The following SGSM2 variants were observed in gnomAD, a reference collection of about 807,000 sequenced individuals.
The protein encoded by SGSM2 is RUN and TBC1 domain containing 1.
SGSM2 carries 89 observed loss-of-function variants against 126.6 expected under a neutral mutation model. That is an observed-to-expected ratio of 0.70 (90% confidence interval 0.59 to 0.84). SGSM2 has a LOEUF of 0.84. Ranked by LOEUF, SGSM2 falls within the 40% of genes least tolerant of loss-of-function variation. The probability of loss-of-function intolerance (pLI) is 0.00; values close to 1 mark genes in which losing one functional copy is unlikely to be tolerated. For missense variants in SGSM2, 1,404 were observed against 1,416.6 expected (o/e 0.99, Z 0.14); for synonymous variants, 614 against 574.3 (o/e 1.07, Z -0.99).
At chr17:2,360,791 C>T (rs1034286113) in intron 2 of SGSM2, among the ~76,000 whole-genome samples, 3 of 152,256 alleles carry the variant, frequency 2.0e-5, no homozygotes, top group East Asian at 1.9e-4. Flanking sequence ...CACACCTGGA[C>T]GTGGCAAAAG....
At chr17:2,339,369 T>C (rs1275404394) in intron 1 of SGSM2, among the ~76,000 whole-genome samples, 1 of 151,430 alleles carries the variant, frequency 6.6e-6, no homozygotes, top group Non-Finnish European at 1.5e-5. Flanking sequence ...CCAGGAGGTG[T>C]GGTTGCAGTG....
Position 2,379,561 on chromosome 17 carries a change from C to G in SGSM2, c.*41C>G. On this transcript the variant is annotated 3_prime_UTR_variant, in exon 24 of 24. Coordinates refer to ENST00000268989, the MANE Select transcript of SGSM2 (RefSeq NM_014853.3). ...CAGCAGCCGTGCAGAGCCTGGGCTC[C>G]GGCAGGGAGAGGTGCAGGGGAGTCA... 1 of 1,593,550 alleles carries G rather than the reference C, an allele frequency of 6.3e-7. No individual in the cohort carries two copies. The highest frequency in any genetic ancestry group is 8.6e-7 in the Non-Finnish European group (1 of 1,166,278).
At chr17:2,348,940 T>G (rs1225736341) in intron 2 of SGSM2, among the ~76,000 whole-genome samples, 1 of 152,026 alleles carries the variant, frequency 6.6e-6, no homozygotes, top group Non-Finnish European at 1.5e-5. Flanking sequence ...CTTTTTTGTA[T>G]TTTTGTAGAG....
chr17:2,364,039 T>TC lies in SGSM2; in HGVS notation c.808-18dup. Reference sequence around the variant, plus strand: ...CCTCTCAGCCCTTCATCGTCGGTCTTCCGGTGTCTCCCGCTGTAGAAGGAG... The same window carrying TC: ...CCTCTCAGCCCTTCATCGTCGGTCTTCCCGGTGTCTCCCGCTGTAGAAGGAG... On this transcript the variant is annotated intron_variant, in intron 7 of 23. Coordinates refer to ENST00000268989, the MANE Select transcript of SGSM2 (RefSeq NM_014853.3). 6.2e-7 allele frequency: 1 copy of TC among 1,613,910 alleles called. No homozygotes were observed. Among genetic ancestry groups the TC allele is most frequent in the Non-Finnish European group, 8.5e-7 (1 of 1,179,966 alleles).
chr17:2,372,308 C>A lies in SGSM2; in HGVS notation c.1643-35C>A, dbSNP rs767051234. The A allele has an allele frequency of 1.2e-6, 2 of 1,609,410 alleles. No homozygotes were observed. The highest frequency in any genetic ancestry group is 3.3e-5 in the Admixed American group (2 of 59,766). ...GGGCTGGGGGCGGGCGGCCCTGGGT[C>A]CCAGCCTCCTGCTGCCCACCGCTGC... On this transcript the variant is annotated intron_variant, in intron 14 of 23. Transcript: ENST00000268989. This position sits in a 1 kb window ranked among gnomAD's most constrained non-coding sequence, Gnocchi z 6.0.
rs750856073 is a variant in SGSM2 at position 2,362,099 on chromosome 17, G to A, written c.297-10G>A. ...CCACTGCACTCCTGGAGCCCTCCCC[G>A]CCTTTGCAGGAAACCCTCAGGGGTC... On this transcript the variant is annotated splice_polypyrimidine_tract_variant and intron_variant, in intron 3 of 23. Transcript: ENST00000268989. The surrounding 1 kb of genome is among the most constrained non-coding windows in gnomAD (Gnocchi z 4.9). 19 of 1,608,252 alleles carry A rather than the reference G, an allele frequency of 1.2e-5. No individual in the cohort carries two copies. Among genetic ancestry groups the A allele is most frequent in the East Asian group, 8.9e-5 (4 of 44,850 alleles).
chr17:2,359,726 G>A (rs1192212593), intron 2 of SGSM2, among the ~76,000 whole-genome samples: 2 of 152,120 alleles, frequency 1.3e-5, no homozygotes, highest in Non-Finnish European at 2.9e-5. Context: ...TTTTGCGGTC[G>A]CCTAGGGAAG....
Position 2,343,611 on chromosome 17 carries a change from G to T in SGSM2, c.124G>T (p.Ala42Ser). Reference sequence around the variant, plus strand: ...GCATGAAGACAGCAGCCACATCATTGCTTTATGTGGTGAGTGAGTGACTGA... The same window carrying T: ...GCATGAAGACAGCAGCCACATCATTTCTTTATGTGGTGAGTGAGTGACTGA... ...FVHEDSSHIIALCGAVEACLL... is the reference protein window; with the variant it reads ...FVHEDSSHIISLCGAVEACLL... Residue 42 changes from alanine to serine, a missense_variant, in exon 2 of 24, where the codon GCT becomes TCT. Transcript: ENST00000268989. 1 of 1,614,008 alleles carries T rather than the reference G, an allele frequency of 6.2e-7. No individual in the cohort carries two copies. The highest frequency in any genetic ancestry group is 8.5e-7 in the Non-Finnish European group (1 of 1,179,856).
At chr17:2,349,374 A>T (rs1179157040) in intron 2 of SGSM2, among the ~76,000 whole-genome samples, 1 of 21,976 alleles carries the variant, frequency 4.6e-5, no homozygotes, top group Non-Finnish European at 9.6e-5. Context: ...GACTTGGTCT[A>T]AAAAAAAAAA....
chr17:2,371,905 G>A (rs11657242), intron 13 of SGSM2: 31,272 of 492,938 alleles, frequency 0.063, 1,858 homozygotes, highest in African/African-American at 0.2. Flanking sequence ...ATGATCCTCC[G>A]CTGCCTCTCT....
At position 2,358,204 on chromosome 17, in the gene SGSM2, G is replaced by A. The variant is rs187482887; in HGVS notation, c.134-3433G>A. ...GTGCTCTGGGCCTCCAGTCAGAACG[G>A]GGGATAAGCTTGGGCCGTCATGTGG... On this transcript the variant is annotated intron_variant, in intron 2 of 23. Transcript: ENST00000268989. Among the ~76,000 whole-genome samples the A allele has an allele frequency of 2.4e-4, 36 of 152,330 alleles. No individual in the cohort carries two copies. The East Asian group carries it at 5.4e-3, about 23-fold the overall frequency.
In SGSM2 at chr17:2,363,778, C is replaced by A; in HGVS notation, c.807+179C>A. The A allele has an allele frequency of 1.0e-6, 1 of 998,600 alleles. No individual in the cohort carries two copies. The highest frequency in any genetic ancestry group is 1.4e-6 in the Non-Finnish European group (1 of 693,410). 61.9% of individuals were successfully genotyped at this position (998,600 alleles called of 1,614,324 possible). On this transcript the variant is annotated intron_variant, in intron 7 of 23. Coordinates refer to ENST00000268989, the MANE Select transcript of SGSM2 (RefSeq NM_014853.3). The surrounding 1 kb of genome is among the most constrained non-coding windows in gnomAD (Gnocchi z 4.2). ...CGCCCAGCCTTTAGTTGGCAGGGGA[C>A]AGGAATGGCAGCCAGCAGGCGAGGG...
rs1051474640 is a variant in SGSM2, at chr17:2,379,143, T to C, written c.3007T>C (p.Tyr1003His). ...LFIALALVEA[Y>H]REIIRDNNMD... ...CATCGCCCTCGCCCTGGTGGAGGCC[T>C]ACCGAGAGATCATCCGTGACAACAA... The change falls in exon 23 of 24, where the codon TAC (tyrosine) becomes CAC (histidine). Residue 1003 changes from tyrosine (Y) to histidine (H), a missense_variant. Tyr to His is a moderately conservative substitution (Grantham distance 83). Coordinates refer to ENST00000268989, the MANE Select transcript of SGSM2 (RefSeq NM_014853.3). The C allele has an allele frequency of 6.2e-7, 1 of 1,614,044 alleles. No homozygotes were observed. Among genetic ancestry groups the C allele is most frequent in the Non-Finnish European group, 8.5e-7 (1 of 1,180,022 alleles).
chr17:2,379,518 T>C lies in SGSM2; in HGVS notation c.3154T>C (p.Ter1052ArgextTer94). Reference protein sequence around the residue: ...HKVQMLIENK* With the variant: ...HKVQMLIENKR ...GGTGCAGATGCTCATAGAGAACAAGTGAGCTGGGGCCAGGAGGCAGCAGCC... is the reference window on the plus strand; with the variant it reads ...GGTGCAGATGCTCATAGAGAACAAGCGAGCTGGGGCCAGGAGGCAGCAGCC... The change falls in exon 24 of 24, where the codon TGA (stop) becomes CGA (arginine). Residue 1052 changes from the stop codon to arginine (R), a stop_lost. Transcript: ENST00000268989. The C allele has an allele frequency of 2.5e-6, 4 of 1,611,016 alleles. No homozygotes were observed. Among genetic ancestry groups the C allele is most frequent in the Non-Finnish European group, 3.4e-6 (4 of 1,177,856 alleles).
chr17:2,375,388 G>T, intron 17 of SGSM2, 104 bp from the exon 18 acceptor site: 1 of 1,394,752 alleles, frequency 7.2e-7, no homozygotes, highest in Non-Finnish European at 9.6e-7. Flanking sequence ...TGGGAGAGGG[G>T]GTGTGAAGAG....
intron 13 of SGSM2, chr17:2,371,673 C>A (rs982215662): frequency 2.0e-6 from 1 of 494,726 alleles, no homozygotes; most frequent in Non-Finnish European, 3.6e-6. Context: ...CTTATGAGGA[C>A]AGAATGAGAG....
chr17:2,367,443 C>T lies in SGSM2; in HGVS notation c.1423+38C>T, dbSNP rs1178015713. 5.6e-6 allele frequency: 9 copies of T among 1,595,834 alleles called. No homozygotes were observed. The highest frequency in any genetic ancestry group is 7.7e-6 in the Non-Finnish European group (9 of 1,169,166). Reference sequence around the variant, plus strand: ...CCCTCTCCCTGACCCACCTCATCCCCACCCTCCCTCCCGGGCCCGCCTGCC... The same window carrying T: ...CCCTCTCCCTGACCCACCTCATCCCTACCCTCCCTCCCGGGCCCGCCTGCC... On this transcript the variant is annotated intron_variant, in intron 12 of 23. Coordinates refer to ENST00000268989, the MANE Select transcript of SGSM2 (RefSeq NM_014853.3). This position sits in a 1 kb window ranked among gnomAD's most constrained non-coding sequence, Gnocchi z 4.0.
rs2065899185 is a variant in SGSM2 at position 2,372,135 on chromosome 17, T to C, written c.1578-55T>C. On this transcript the variant is annotated intron_variant, in intron 13 of 23. Transcript: ENST00000268989. This position sits in a 1 kb window ranked among gnomAD's most constrained non-coding sequence, Gnocchi z 6.0. ...GACAGAGCCTCCTCCCTTCTCTCTC[T>C]CCTCCCACCAGAGGGGCCGCAGCCC... 2 of 1,600,998 alleles carry C rather than the reference T, an allele frequency of 1.2e-6. No homozygotes were observed. Among genetic ancestry groups the C allele is most frequent in the Non-Finnish European group, 1.7e-6 (2 of 1,170,534 alleles).
intron 22 of SGSM2, among the ~76,000 whole-genome samples, chr17:2,378,592 T>A (rs2066282974): frequency 6.6e-6 from 1 of 151,940 alleles, no homozygotes. Context: ...CATAGGTGAT[T>A]CCGAAGTGCC....
Sources: allele counts gnomAD v4.1 joint callset (sites outside exome capture counted in the v4.1 genomes callset), GRCh38; gene constraint gnomAD v4.1.1; non-coding constraint Gnocchi (gnomAD v3.1); transcripts MANE v1.5; gene names NCBI Gene and HGNC (gene_info 2026-07-23, HGNC 2026-07-21).